The following LRIG1 variants were observed in gnomAD, a reference collection of about 807,000 sequenced individuals.
The protein encoded by LRIG1 is leucine-rich repeats and immunoglobulin-like domains protein 1.
In LRIG1, 48 loss-of-function variants were observed where a neutral mutation model predicts 99.2. The observed-to-expected ratio is 0.48, with a 90% CI of 0.38 to 0.62. LRIG1 has a LOEUF of 0.62. Ranked by LOEUF, LRIG1 falls within the 20% of genes least tolerant of loss-of-function variation. The pLI, the probability that LRIG1 is intolerant of heterozygous loss-of-function variation, is 0.00. For synonymous variants in LRIG1, 772 were observed against 596.1 expected, an observed-to-expected ratio of 1.29 and a Z score of -4.30; for missense variants, 1,646 against 1,434.4, an observed-to-expected ratio of 1.15 and a Z score of -2.38.
At chr3:66,396,395 C>T (rs1052347097) in intron 11 of LRIG1, among the ~76,000 whole-genome samples, 4 of 152,218 alleles carry the variant, frequency 2.6e-5, no homozygotes, top group Non-Finnish European at 5.9e-5. Context: ...TGCATTTTCA[C>T]GATTCCAACT....
In LRIG1 at chr3:66,383,221, T is replaced by C. The variant is rs747149319; in HGVS notation, c.2252A>G (p.Gln751Arg). 6.2e-7 allele frequency: 1 copy of C among 1,614,246 alleles called. No homozygotes were observed. Among genetic ancestry groups the C allele is most frequent in the East Asian group, 2.2e-5 (1 of 44,870 alleles). The change falls in exon 15 of 19, where the codon CAG (glutamine) becomes CGG (arginine). Residue 751 changes from glutamine (Q) to arginine (R), a missense_variant. Coordinates refer to ENST00000273261, the MANE Select transcript of LRIG1 (RefSeq NM_015541.3). ...GCCCGCATCCTCTGCCACCACGTTC[T>C]GAACCACCAGGAGCTGGTTGTCAGG... is the stretch of plus-strand genomic sequence containing the variant. ...LTPDNQLLVV[Q>R]NVVAEDAGRY...
chr3:66,410,442 G>A (rs1202823778), intron 6 of LRIG1, among the ~76,000 whole-genome samples, 170 bp from the exon 7 acceptor site: 2 of 152,246 alleles, frequency 1.3e-5, no homozygotes. Context: ...AGTAGGGGCT[G>A]GGAGAAGACA....
chr3:66,381,667 G>A (rs763250233), intron 16 of LRIG1, 36 bp from the exon 17 acceptor site: 10 of 1,600,484 alleles, frequency 6.2e-6, no homozygotes, highest in Admixed American at 1.7e-5. Flanking sequence ...GAAACTCTGG[G>A]CTTGGTATTT....
chr3:66,462,016 G>A (rs1407757248), intron 2 of LRIG1, among the ~76,000 whole-genome samples: 2 of 152,134 alleles, frequency 1.3e-5, no homozygotes, highest in African/African-American at 4.8e-5. Context: ...AGGCCAAGGC[G>A]CGCAGATCAC....
At chr3:66,452,240 T>C (rs569457162) in intron 2 of LRIG1, among the ~76,000 whole-genome samples, 31 of 152,168 alleles carry the variant, frequency 2.0e-4, no homozygotes, top group Non-Finnish European at 4.0e-4. Flanking sequence ...CTTTTGCGCA[T>C]AGACACTTTG....
intron 1 of LRIG1, among the ~76,000 whole-genome samples, chr3:66,470,037 G>A (rs753799658): frequency 1.3e-5 from 2 of 152,210 alleles, no homozygotes; most frequent in Non-Finnish European, 2.9e-5. Flanking sequence ...GGGCTGCAGG[G>A]AAACTTGCTT....
Position 66,407,339 on chromosome 3 carries a change from G to A in LRIG1, c.1079+9C>T, listed in dbSNP as rs1559782346. Reference sequence around the variant, plus strand: ...GACCCCTTTATCCTGTCAGTAGTGGGAGACGTACAAGACTCGCAGGCTCCT... The same window carrying A: ...GACCCCTTTATCCTGTCAGTAGTGGAAGACGTACAAGACTCGCAGGCTCCT... On this transcript the variant is annotated intron_variant, in intron 8 of 18. Coordinates refer to ENST00000273261, the MANE Select transcript of LRIG1 (RefSeq NM_015541.3). 1 of 1,614,066 alleles carries A rather than the reference G, an allele frequency of 6.2e-7. No homozygotes were observed. Among genetic ancestry groups the A allele is most frequent in the East Asian group, 2.2e-5 (1 of 44,882 alleles).
At position 66,380,343 on chromosome 3, in the gene LRIG1, C is replaced by CGTCACATGCTTTGG; in HGVS notation, c.3188_3201dup (p.Ala1068ProfsTer13). 2.5e-6 allele frequency: 4 copies of CGTCACATGCTTTGG among 1,614,144 alleles called. No individual in the cohort carries two copies. The highest frequency in any genetic ancestry group is 3.4e-6 in the Non-Finnish European group (4 of 1,180,046). Reference sequence around the variant, plus strand: ...GTCAGTGGCGTGGACTCGGGACTGGCGTCACATGCTTTGGGGAGGTGGCCA... The same window carrying CGTCACATGCTTTGG: ...GTCAGTGGCGTGGACTCGGGACTGGCGTCACATGCTTTGGGTCACATGCTTTGGGGAGGTGGCCA... On this transcript the variant is annotated frameshift_variant, in exon 19 of 19. Transcript: ENST00000273261. LOFTEE classifies it high-confidence loss of function.
chr3:66,494,669 A>G (rs186020745), intron 1 of LRIG1, among the ~76,000 whole-genome samples: 4 of 152,262 alleles, frequency 2.6e-5, no homozygotes, highest in African/African-American at 4.8e-5. Context: ...ATATAAGAAT[A>G]TAAGAACATA....
intron 2 of LRIG1, among the ~76,000 whole-genome samples, chr3:66,452,381 T>C (rs1046415779): frequency 2.0e-5 from 3 of 152,378 alleles, no homozygotes; most frequent in Non-Finnish European, 1.5e-5. Flanking sequence ...TCGCCTGGTC[T>C]GCCCCCAGAG....
At chr3:66,458,318 C>A (rs941199032) in intron 2 of LRIG1, among the ~76,000 whole-genome samples, 3 of 152,102 alleles carry the variant, frequency 2.0e-5, no homozygotes, top group Admixed American at 6.6e-5. Flanking sequence ...TTGTTGCTCA[C>A]GCTGGTCTCA....
At chr3:66,481,010 G>C (rs1423453460) in intron 1 of LRIG1, among the ~76,000 whole-genome samples, 1 of 152,148 alleles carries the variant, frequency 6.6e-6, no homozygotes, top group Non-Finnish European at 1.5e-5. Context: ...GTGGGGGTGT[G>C]AAACTATATG....
At chr3:66,416,081 T>A (rs1702607381) in intron 4 of LRIG1, among the ~76,000 whole-genome samples, 1 of 152,184 alleles carries the variant, frequency 6.6e-6, no homozygotes, top group Non-Finnish European at 1.5e-5. Context: ...TGAAGATATA[T>A]CACCCAATAG....
chr3:66,392,322 T>C (rs555579968), intron 12 of LRIG1, among the ~76,000 whole-genome samples: 1 of 152,372 alleles, frequency 6.6e-6, no homozygotes, highest in South Asian at 2.1e-4. Context: ...AGAGTGGAAC[T>C]GCCAGGTCAT....
intron 9 of LRIG1, among the ~76,000 whole-genome samples, chr3:66,399,491 G>C (rs1195303878): frequency 6.6e-6 from 1 of 152,184 alleles, no homozygotes. Context: ...TGCTGACCAT[G>C]ACTGGGCATG....
intron 3 of LRIG1, among the ~76,000 whole-genome samples, chr3:66,428,253 G>A (rs1703045713): frequency 6.6e-6 from 1 of 152,102 alleles, no homozygotes; most frequent in South Asian, 2.1e-4. Context: ...GTCCCCCAGG[G>A]TTGAAATGAA....
At chr3:66,475,621 T>G (rs528827293) in intron 1 of LRIG1, among the ~76,000 whole-genome samples, 31 of 152,378 alleles carry the variant, frequency 2.0e-4, no homozygotes, top group African/African-American at 7.5e-4. Context: ...CTGCGTTTAC[T>G]TGTGGCAAAG....
chr3:66,476,679 A>G (rs750853388), intron 1 of LRIG1, among the ~76,000 whole-genome samples: 1 of 152,196 alleles, frequency 6.6e-6, no homozygotes, highest in Non-Finnish European at 1.5e-5. Flanking sequence ...GGGTCACATT[A>G]AAGAACCTGC....
chr3:66,430,190 C>CAA (rs34125530), intron 3 of LRIG1, among the ~76,000 whole-genome samples: 1 of 127,380 alleles, frequency 7.9e-6, no homozygotes, highest in African/African-American at 2.8e-5. Flanking sequence ...ACAACAACAA[C>CAA]AAAAAAAAAA....
Sources: allele counts gnomAD v4.1 joint callset (sites outside exome capture counted in the v4.1 genomes callset), GRCh38; gene constraint gnomAD v4.1.1; transcripts MANE v1.5; gene names NCBI Gene and HGNC (gene_info 2026-07-23, HGNC 2026-07-21).